Variants in CREBBP observed in about 807,000 individuals in gnomAD.
CREBBP encodes CREB binding lysine acetyltransferase, also known as CREB-binding protein.
Under a neutral mutation model 265.0 loss-of-function variants are expected in CREBBP, and 19 were observed. That is an observed-to-expected ratio of 0.07 (90% CI 0.05 to 0.11). The LOEUF is 0.11. CREBBP is among the 10% of genes least tolerant of loss of function. The probability of loss-of-function intolerance (pLI) is 1.00; values close to 1 mark genes in which losing one functional copy is unlikely to be tolerated. For missense variants in CREBBP, 2,525 were observed against 3,219.0 expected, an observed-to-expected ratio of 0.78 and a Z score of 5.22; for synonymous variants, 1,457 against 1,223.7, an observed-to-expected ratio of 1.19 and a Z score of -3.98.
chr16:3,735,585 G>A (rs1351514454), intron 28 of CREBBP, among the ~76,000 whole-genome samples: 7 of 152,096 alleles, frequency 4.6e-5, no homozygotes, highest in Non-Finnish European at 7.4e-5. Flanking sequence ...GTGAGCCACC[G>A]CGCCTGGCCA....
intron 23 of CREBBP, chr16:3,743,215 C>T (rs2052260332): frequency 6.6e-6 from 1 of 152,328 alleles, no homozygotes; most frequent in South Asian, 2.1e-4. Context: ...AGGCATGCTG[C>T]TAAAATCCTG....
intron 1 of CREBBP, among the ~76,000 whole-genome samples, chr16:3,851,860 C>CAAAAAAAAAAAAAAAAAAAA (rs1159688899): frequency 6.9e-5 from 2 of 28,964 alleles, no homozygotes; most frequent in African/African-American, 2.5e-4. Context: ...GACTCCGTCT[C>CAAAAAAAAAAAAAAAAAAAA]AAAAAAAAAA....
At position 3,861,418 on chromosome 16, in the gene CREBBP, A is replaced by C. The variant is rs546559285; in HGVS notation, c.86-10409T>G. On this transcript the variant is annotated intron_variant, in intron 1 of 30. Coordinates refer to ENST00000262367, the MANE Select transcript of CREBBP (RefSeq NM_004380.3). ...TATTAGTCATTACTATCACTGTCCC[A>C]ATCCCATCTCCCAAGGCACCTATGA... is the stretch of plus-strand genomic sequence containing the variant. Among the ~76,000 whole-genome samples the C allele has an allele frequency of 8.5e-5, 13 of 152,362 alleles. No individual in the cohort carries two copies. The East Asian group carries it at 2.1e-3, about 25-fold the overall frequency.
chr16:3,734,942 A>G (rs912718899), intron 28 of CREBBP, among the ~76,000 whole-genome samples: 2 of 151,972 alleles, frequency 1.3e-5, no homozygotes, highest in African/African-American at 2.4e-5. Context: ...CGCAAGAGCC[A>G]CCTCCATTCA....
intron 1 of CREBBP, among the ~76,000 whole-genome samples, chr16:3,878,413 T>C (rs1354999763): frequency 6.6e-6 from 1 of 152,238 alleles, no homozygotes; most frequent in African/African-American, 2.4e-5. Flanking sequence ...ATGAGCATCA[T>C]TTACTCCTCC....
chr16:3,745,222 G>A (rs533477984), intron 22 of CREBBP, 55 bp downstream of exon 22: 858 of 1,502,196 alleles, frequency 5.7e-4, no homozygotes, highest in Non-Finnish European at 7.4e-4. Flanking sequence ...CACTGCAACT[G>A]CCCCGCCACT....
intron 1 of CREBBP, among the ~76,000 whole-genome samples, chr16:3,853,102 G>A (rs926381963): frequency 3.9e-5 from 6 of 152,118 alleles, no homozygotes; most frequent in African/African-American, 1.4e-4. Context: ...ACCTTGGTAG[G>A]TTACTCAGCC....
intron 1 of CREBBP, among the ~76,000 whole-genome samples, chr16:3,865,837 C>A (rs1419562235): frequency 6.6e-6 from 1 of 152,120 alleles, no homozygotes; most frequent in African/African-American, 2.4e-5. Context: ...GGGGTTTCAC[C>A]ATGTTGGCCA....
At position 3,778,778 on chromosome 16, in the gene CREBBP, T is replaced by C. The variant is rs1273842546; in HGVS notation, c.1863A>G (p.Leu621=). ...CCAGGTTTTCCATGCGGCGATCCTT[T>C]AGAGCTGCGGGATCAGGTGTTGGGA... is the stretch of plus-strand genomic sequence containing the variant. ...AIFPTPDPAA[L]KDRRMENLVA... Residue 621 remains leucine, a synonymous_variant, in exon 9 of 31, where the codon CTA becomes CTG. Transcript: ENST00000262367. 1 of 1,613,948 alleles carries C rather than the reference T, an allele frequency of 6.2e-7. No individual in the cohort carries two copies. Among genetic ancestry groups the C allele is most frequent in the African/African-American group, 1.3e-5 (1 of 74,920 alleles).
chr16:3,863,394 G>A (rs1288912766), intron 1 of CREBBP, among the ~76,000 whole-genome samples: 2 of 152,140 alleles, frequency 1.3e-5, no homozygotes, highest in African/African-American at 2.4e-5. Context: ...CCTGAGGTCA[G>A]GAGATCAAGA....
At position 3,727,726 on chromosome 16, in the gene CREBBP, C is replaced by T. The variant is rs1341030470; in HGVS notation, c.7321G>A (p.Gly2441Ser). 1 of 1,614,040 alleles carries T rather than the reference C, an allele frequency of 6.2e-7. No individual in the cohort carries two copies. The highest frequency in any genetic ancestry group is 8.5e-7 in the Non-Finnish European group (1 of 1,180,022). The change falls in exon 31 of 31, where the codon GGC becomes AGC. Residue 2441 changes from glycine (G) to serine (S), a missense_variant. Physicochemically the swap from Gly to Ser is moderately conservative, Grantham distance 56. This residue lies in a region of CREBBP where 473 missense variants were observed against 459.3 expected (regional missense o/e 1.03). Transcript: ENST00000262367. ...GTGATGCTCTCACAATGCTACAAGC[C>T]CTCCACAAACTTCTCTAGCGTGTCC... ...TGDTLEKFVE[G>S]L
At chr16:3,852,035 CAAAAAAAAAAAAAAAAAAA>C (rs551018184) in intron 1 of CREBBP, among the ~76,000 whole-genome samples, 41 of 11,188 alleles carry the variant, frequency 3.7e-3, no homozygotes, top group South Asian at 0.012. Flanking sequence ...GACTCCATCT[CAAAAAAAAAAAAAAAAAAA>C]AAAAAAAAAA....
intron 3 of CREBBP, among the ~76,000 whole-genome samples, chr16:3,808,681 G>T (rs1382034177): frequency 6.6e-6 from 1 of 152,246 alleles, no homozygotes; most frequent in Non-Finnish European, 1.5e-5. Flanking sequence ...GAGAGGGGAT[G>T]GGGAAGTGGG....
In CREBBP at chr16:3,727,590, A is replaced by C; in HGVS notation, c.*128T>G. The C allele has an allele frequency of 6.8e-7, 1 of 1,479,124 alleles. No individual in the cohort carries two copies. The allele number at this position is 1,479,124 out of a possible 1,614,324, so 91.6% of individuals were successfully genotyped here. A position where few individuals can be genotyped will look rare whatever the true frequency, so the allele number is the denominator to read the frequency against. On this transcript the variant is annotated 3_prime_UTR_variant, in exon 31 of 31. Transcript: ENST00000262367. ...TATATTCTTTGTATTGTTTCTTTAA[A>C]CATCAATCCACCCTTCCATGGCTCG... is the stretch of plus-strand genomic sequence containing the variant.
intron 3 of CREBBP, among the ~76,000 whole-genome samples, chr16:3,802,612 C>A (rs1194895095): frequency 6.6e-6 from 1 of 151,946 alleles, no homozygotes; most frequent in Admixed American, 6.5e-5. Flanking sequence ...ACATTCCTCA[C>A]AAAAAAATAA....
At chr16:3,861,648 A>C in intron 1 of CREBBP, among the ~76,000 whole-genome samples, 1 of 112,100 alleles carries the variant, frequency 8.9e-6, no homozygotes, top group African/African-American at 4.0e-5. Flanking sequence ...ACAACTCTCT[A>C]TACCAAAAAA....
intron 18 of CREBBP, 132 bp downstream of exon 18, chr16:3,757,677 T>C (rs2151382775): frequency 7.6e-7 from 1 of 1,321,858 alleles, no homozygotes; most frequent in Non-Finnish European, 1.1e-6. Context: ...GCTTCAGGCA[T>C]CAACTGTGTC....
At chr16:3,873,433 C>T (rs1002174523) in intron 1 of CREBBP, among the ~76,000 whole-genome samples, 1 of 152,206 alleles carries the variant, frequency 6.6e-6, no homozygotes, top group Admixed American at 6.5e-5. Context: ...CTATCACACG[C>T]GTGCCTGCAC....
intron 2 of CREBBP, among the ~76,000 whole-genome samples, chr16:3,846,704 T>C (rs888288942): frequency 5.3e-5 from 8 of 152,124 alleles, no homozygotes; most frequent in African/African-American, 1.7e-4. Flanking sequence ...GAGGGGAACA[T>C]CTACACTCAC....
Sources: gnomAD v4.1 joint callset for allele counts (sites outside exome capture counted in the v4.1 genomes callset) on GRCh38, gnomAD v4.1.1 for gene constraint, gnomAD v4.1.1 regional missense constraint, MANE v1.5 for transcripts, NCBI Gene and HGNC (gene_info 2026-07-23, HGNC 2026-07-21) for gene names.